Variants in DSCAML1 observed in about 807,000 individuals in gnomAD.
DSCAML1 encodes the protein DS cell adhesion molecule like 1.
A neutral mutation model predicts 200.5 loss-of-function variants in DSCAML1; 38 were observed. The ratio of observed to expected loss-of-function variants is 0.19; its 90% CI spans 0.15 to 0.25. DSCAML1 has a LOEUF of 0.25. Ranked by LOEUF, DSCAML1 falls within the 10% of genes least tolerant of loss-of-function variation. The pLI is 1.00. For synonymous variants in DSCAML1, 1,215 were observed against 1,165.0 expected (o/e 1.04, Z -0.87); for missense variants, 2,223 against 2,858.8 (o/e 0.78, Z 5.07).
At chr11:117,816,299 AG>A (rs549259049) in intron 1 of DSCAML1, among the ~76,000 whole-genome samples, 59 of 152,232 alleles carry the variant, frequency 3.9e-4, no homozygotes, top group African/African-American at 1.3e-3. Flanking sequence ...TCCCGGAAGG[AG>A]GCCGCTGTGG....
chr11:117,565,705 GT>G (rs1297200261), intron 3 of DSCAML1, among the ~76,000 whole-genome samples: 4 of 152,234 alleles, frequency 2.6e-5, no homozygotes, highest in Admixed American at 6.5e-5. Context: ...CCTTTTTGGT[GT>G]TTTTTTCCCC....
At chr11:117,429,217 T>A (rs929156479) in intron 32 of DSCAML1, among the ~76,000 whole-genome samples, 2 of 152,170 alleles carry the variant, frequency 1.3e-5, no homozygotes, top group African/African-American at 4.8e-5. Flanking sequence ...GGAAAGCTTT[T>A]CTTTACCCTG....
In DSCAML1 at chr11:117,503,633, T is replaced by C. The variant is rs1282603222; in HGVS notation, c.2359+212A>G. Among the ~76,000 whole-genome samples the C allele has an allele frequency of 6.6e-6, 1 of 151,908 alleles. No individual in the cohort carries two copies. The highest frequency in any genetic ancestry group is 6.6e-5 in the Admixed American group (1 of 15,258). ...CTTATTGTGACCAGGGTGGGGTGAG[T>C]TGGGGCCTCTCAGGGTGAGGCCGCT... On this transcript the variant is annotated intron_variant, in intron 11 of 32. Transcript: ENST00000651296. The surrounding 1 kb of genome is among the most constrained non-coding windows in gnomAD (Gnocchi z 5.2).
chr11:117,570,082 G>A (rs1320644029), intron 3 of DSCAML1, among the ~76,000 whole-genome samples: 1 of 152,026 alleles, frequency 6.6e-6, no homozygotes, highest in East Asian at 1.9e-4. Flanking sequence ...GGAACGTGTT[G>A]AGCATGTGGG....
At chr11:117,769,359 A>ATAT (rs1158287046) in intron 3 of DSCAML1, among the ~76,000 whole-genome samples, 913 of 3,702 alleles carry the variant, frequency 0.25, 236 homozygotes, top group African/African-American at 0.26. Context: ...TATATTATAT[A>ATAT]TTTTATATAA....
At chr11:117,800,128 CT>C (rs1186833766), upstream of DSCAML1, among the ~76,000 whole-genome samples, 1 of 152,206 alleles carries the variant, frequency 6.6e-6, no homozygotes. Flanking sequence ...TGATTTTGTT[CT>C]TCCTTAGTAT....
intron 3 of DSCAML1, among the ~76,000 whole-genome samples, chr11:117,697,132 C>T (rs1417939613): frequency 1.3e-5 from 2 of 152,172 alleles, no homozygotes; most frequent in East Asian, 3.8e-4. Context: ...GGTTAGATCA[C>T]CTGTCCAACA....
At chr11:117,769,408 ATATTTTATATATATTATATATATTTT>A (rs2054982086) in intron 3 of DSCAML1, among the ~76,000 whole-genome samples, 1 of 63,596 alleles carries the variant, frequency 1.6e-5, no homozygotes, top group Non-Finnish European at 2.6e-5. Flanking sequence ...TATATAATAT[ATATTTTATATATATTATATATATTTT>A]TATATAATAT....
intron 2 of DSCAML1, 51 bp from the exon 3 acceptor site, chr11:117,776,988 G>A: frequency 6.2e-7 from 1 of 1,600,330 alleles, no homozygotes; most frequent in Non-Finnish European, 8.5e-7. Context: ...AGGATGTGGT[G>A]AGGGTCCCCA....
chr11:117,566,897 A>T (rs1048855528), intron 3 of DSCAML1, among the ~76,000 whole-genome samples: 1 of 151,794 alleles, frequency 6.6e-6, no homozygotes, highest in African/African-American at 2.4e-5. Context: ...GTCCCTACAA[A>T]GGACATGAAC....
At position 117,540,753 on chromosome 11, in the gene DSCAML1, G is replaced by C. The variant is rs557335505; in HGVS notation, c.512-8231C>G. ...AAATACCTCATGTAAATGACGAGTT[G>C]ATGGGTGCAGCAAACCAACATGGCA... On this transcript the variant is annotated intron_variant, in intron 3 of 32. Transcript: ENST00000651296. 2.6e-5 allele frequency among the ~76,000 whole-genome samples: 4 copies of C among 152,164 alleles called. No homozygotes were observed. The South Asian group carries it at 8.3e-4, about 32-fold the overall frequency.
intron 3 of DSCAML1, among the ~76,000 whole-genome samples, chr11:117,732,136 T>G (rs1167437534): frequency 6.6e-6 from 1 of 152,256 alleles, no homozygotes; most frequent in Non-Finnish European, 1.5e-5. Context: ...TCCTGAAGAC[T>G]GCAGAGCTTT....
chr11:117,710,145 T>C (rs1477914280), intron 3 of DSCAML1, among the ~76,000 whole-genome samples: 1 of 152,182 alleles, frequency 6.6e-6, no homozygotes, highest in African/African-American at 2.4e-5. Context: ...GGATATTTCA[T>C]CTCCTAGATT....
chr11:117,561,027 A>G (rs1398815918), intron 3 of DSCAML1, among the ~76,000 whole-genome samples: 1 of 152,142 alleles, frequency 6.6e-6, no homozygotes, highest in Non-Finnish European at 1.5e-5. Context: ...GGGCACAGCC[A>G]TTATTGGCAG....
rs1324972635 is a variant in DSCAML1, at chr11:117,780,244, G to A, written c.364+249C>T. 4.7e-4 allele frequency among the ~76,000 whole-genome samples: 33 copies of A among 69,602 alleles called. No homozygotes were observed. The highest frequency in any genetic ancestry group is 9.7e-4 in the Non-Finnish European group (30 of 31,076). The allele number at this position is 69,602 out of a possible 152,430, so 45.7% of individuals were successfully genotyped here. On this transcript the variant is annotated intron_variant, in intron 2 of 32. Coordinates refer to ENST00000651296, the MANE Select transcript of DSCAML1 (RefSeq NM_020693.4). This position sits in a 1 kb window ranked among gnomAD's most constrained non-coding sequence, Gnocchi z 4.8. ...GAAAGAAAGAAAGGAAAGAAAGAAA[G>A]AAAGAAAGAAAGAAAGAAAGAAAGA...
chr11:117,703,184 C>G (rs538148652), intron 3 of DSCAML1, among the ~76,000 whole-genome samples: 6 of 152,282 alleles, frequency 3.9e-5, no homozygotes, highest in South Asian at 4.1e-4. Flanking sequence ...ATTATGCAAA[C>G]CAGTGATTTT....
intron 1 of DSCAML1, among the ~76,000 whole-genome samples, chr11:117,790,501 C>T (rs572584217): frequency 2.0e-4 from 30 of 152,310 alleles, no homozygotes; most frequent in African/African-American, 5.8e-4. Context: ...GGGAGACAGC[C>T]ACAAACAGCT....
At chr11:117,594,111 C>G (rs1272589564) in intron 3 of DSCAML1, among the ~76,000 whole-genome samples, 4 of 152,088 alleles carry the variant, frequency 2.6e-5, no homozygotes, top group Non-Finnish European at 5.9e-5. Context: ...TCAGTCTTGA[C>G]AAAGGACAGA....
rs79717125 is a variant in DSCAML1 at position 117,732,860 on chromosome 11, A to G, written c.511+43931T>C. The stretch of plus-strand genomic sequence containing the variant: ...ATGACTAACTCGGGAGGAGGGCCAC[A>G]CTTTCTTTTTCCAGATCCTACGAAC... On this transcript the variant is annotated intron_variant, in intron 3 of 32. Transcript: ENST00000651296. 9.7e-3 allele frequency among the ~76,000 whole-genome samples: 1,471 copies of G among 152,164 alleles called. 23 individuals are homozygous for G. The highest frequency in any genetic ancestry group is 0.033 in the African/African-American group (1,351 of 41,488).
Sources: allele counts gnomAD v4.1 joint callset (sites outside exome capture counted in the v4.1 genomes callset), GRCh38; gene constraint gnomAD v4.1.1; non-coding constraint Gnocchi (gnomAD v3.1); transcripts MANE v1.5; gene names NCBI Gene and HGNC (gene_info 2026-07-23, HGNC 2026-07-21).